NCOR1: variants seen among roughly 807,000 people sequenced by gnomAD.
NCOR1 encodes the protein nuclear receptor corepressor 1.
Under a neutral mutation model 288.1 loss-of-function variants are expected in NCOR1, and 63 were observed. The ratio of observed to expected loss-of-function variants is 0.22; its 90% CI spans 0.18 to 0.27. The LOEUF (loss-of-function observed/expected upper bound fraction) is 0.27. NCOR1 is among the 10% of genes least tolerant of loss of function. NCOR1 has a pLI of 1.00. For synonymous variants in NCOR1, 1,007 were observed against 1,065.9 expected (o/e 0.94, Z 1.08); for missense variants, 2,397 against 3,019.2 (o/e 0.79, Z 4.83).
At chr17:16,032,617 A>G (rs1452485842) in intron 45 of NCOR1, 134 bp from the exon 46 acceptor site, 1 of 791,360 alleles carries the variant, frequency 1.3e-6, no homozygotes, top group African/African-American at 1.8e-5. Context: ...AAATGAATAC[A>G]ACACGGAATG....
intron 5 of NCOR1, among the ~76,000 whole-genome samples, chr17:16,159,603 A>G (rs2080414882): frequency 2.0e-5 from 3 of 152,122 alleles, no homozygotes; most frequent in African/African-American, 7.2e-5. Context: ...TATGGTAGAA[A>G]GGAGATCAAG....
chr17:16,138,153 C>T lies in NCOR1; in HGVS notation c.1407+5G>A. 1 of 1,610,228 alleles carries T rather than the reference C, an allele frequency of 6.2e-7. No individual in the cohort carries two copies. Among genetic ancestry groups the T allele is most frequent in the East Asian group, 2.2e-5 (1 of 44,858 alleles). ...CAAACACTCCCAATGCAAACCATGT[C>T]TTACCTTCCTCTCCAAGTATGATGC... is the stretch of plus-strand genomic sequence containing the variant. On this transcript the variant is annotated splice_donor_5th_base_variant and intron_variant, in intron 13 of 45. Transcript: ENST00000268712.
chr17:16,087,075 G>A lies in NCOR1; in HGVS notation c.3017-633C>T, dbSNP rs756931639. ...AGTCATTCTGAAACAGCAAGGACACGTCCTGGAAGAGCAGTTCATTCACGA... is the reference window on the plus strand; with the variant it reads ...AGTCATTCTGAAACAGCAAGGACACATCCTGGAAGAGCAGTTCATTCACGA... On this transcript the variant is annotated intron_variant, in intron 22 of 45. Transcript: ENST00000268712. 1.1e-3 allele frequency: 1,024 copies of A among 899,722 alleles called. 1 individual carries two copies. The highest frequency in any genetic ancestry group is 1.5e-3 in the Non-Finnish European group (961 of 651,368). 55.7% of individuals were successfully genotyped at this position (899,722 alleles called of 1,614,324 possible).
chr17:16,047,227 T>G, intron 41 of NCOR1, 134 bp from the exon 42 acceptor site: 1 of 840,884 alleles, frequency 1.2e-6, no homozygotes, highest in Non-Finnish European at 1.8e-6. Context: ...GTTACAGCCC[T>G]AAGAAACAGT....
intron 43 of NCOR1, 106 bp from the exon 44 acceptor site, chr17:16,039,760 G>T: frequency 1.0e-6 from 1 of 997,100 alleles, no homozygotes; most frequent in Non-Finnish European, 1.5e-6. Context: ...CTTGGCAAGT[G>T]ACCTAGAACA....
chr17:16,164,243 GA>G (rs34172004), intron 5 of NCOR1, among the ~76,000 whole-genome samples: 2,368 of 138,914 alleles, frequency 0.017, 65 homozygotes, highest in African/African-American at 0.054. Flanking sequence ...TCCAAATCTG[GA>G]AAAAAAAAAA....
At chr17:16,208,206 A>ATTTTTTCTTT (rs2091771917) in intron 1 of NCOR1, among the ~76,000 whole-genome samples, 1 of 65,552 alleles carries the variant, frequency 1.5e-5, no homozygotes, top group African/African-American at 6.1e-5. Flanking sequence ...ATGCCCAGCT[A>ATTTTTTCTTT]TTTTTTTTTT....
intron 22 of NCOR1, 27 bp downstream of exon 22, chr17:16,091,836 C>T (rs749444140): frequency 1.2e-6 from 2 of 1,613,304 alleles, no homozygotes; most frequent in East Asian, 4.5e-5. Flanking sequence ...CATAAAAGTT[C>T]TCTTGGTGAT....
chr17:16,087,163 G>C, intron 22 of NCOR1: 3 of 1,303,262 alleles, frequency 2.3e-6, no homozygotes, highest in African/African-American at 1.5e-5. Flanking sequence ...ACAGAGGAGT[G>C]ATATTTACCT....
At chr17:16,084,209 C>A (rs1323305023) in intron 23 of NCOR1, 1 of 154,210 alleles carries the variant, frequency 6.5e-6, no homozygotes, top group African/African-American at 2.4e-5. Context: ...AGCAAGAACA[C>A]AAGCACCGTA....
intron 42 of NCOR1, 179 bp from the exon 43 acceptor site, chr17:16,040,673 C>CAAA: frequency 1.6e-6 from 1 of 636,638 alleles, no homozygotes; most frequent in Non-Finnish European, 2.8e-6. Context: ...GACAGGGTCT[C>CAAA]ACTCTGTTGC....
intron 11 of NCOR1, among the ~76,000 whole-genome samples, chr17:16,142,862 A>G (rs1006645303): frequency 1.3e-5 from 2 of 152,200 alleles, no homozygotes; most frequent in Admixed American, 1.3e-4. Flanking sequence ...AATTTTATTA[A>G]TTCTGCTCTT....
chr17:16,145,761 C>T (rs2077873034), intron 10 of NCOR1, among the ~76,000 whole-genome samples: 5 of 151,998 alleles, frequency 3.3e-5, no homozygotes, highest in East Asian at 2.0e-4. Flanking sequence ...GGGGGTGGGG[C>T]GCCTCCACCT....
chr17:16,141,814 T>C (rs2077198219), intron 11 of NCOR1, among the ~76,000 whole-genome samples: 1 of 152,234 alleles, frequency 6.6e-6, no homozygotes, highest in Non-Finnish European at 1.5e-5. Flanking sequence ...CTTGATTGAA[T>C]ATAGATATGG....
chr17:16,145,411 G>T (rs1341014010), intron 10 of NCOR1, among the ~76,000 whole-genome samples: 1 of 151,358 alleles, frequency 6.6e-6, no homozygotes, highest in Non-Finnish European at 1.5e-5. Flanking sequence ...TCTGGGAAGT[G>T]AGGAGCGTCT....
intron 18 of NCOR1, among the ~76,000 whole-genome samples, chr17:16,112,933 T>C (rs944279471): frequency 6.6e-6 from 1 of 152,162 alleles, no homozygotes; most frequent in East Asian, 1.9e-4. Context: ...TATTTTGAGA[T>C]GGAATCTCGC....
At chr17:16,201,352 A>T (rs2090780283) in intron 1 of NCOR1, among the ~76,000 whole-genome samples, 1 of 152,148 alleles carries the variant, frequency 6.6e-6, no homozygotes, top group Admixed American at 6.5e-5. Flanking sequence ...TAATCCCAGC[A>T]CTTTGGGAGG....
intron 31 of NCOR1, among the ~76,000 whole-genome samples, chr17:16,068,697 T>C (rs1228911914): frequency 6.6e-6 from 1 of 150,946 alleles, no homozygotes; most frequent in Non-Finnish European, 1.5e-5. Context: ...TTCAAACACT[T>C]ATTAGCCATC....
intron 1 of NCOR1, among the ~76,000 whole-genome samples, chr17:16,206,445 G>C (rs2091518390): frequency 6.6e-6 from 1 of 152,092 alleles, no homozygotes; most frequent in Non-Finnish European, 1.5e-5. Flanking sequence ...GAGTCCAGTG[G>C]CATGATCTCA....
Sources: gnomAD v4.1 joint callset for allele counts (sites outside exome capture counted in the v4.1 genomes callset) on GRCh38, gnomAD v4.1.1 for gene constraint, MANE v1.5 for transcripts, NCBI Gene and HGNC (gene_info 2026-07-23, HGNC 2026-07-21) for gene names.